TGFBR1: variants seen among roughly 807,000 people sequenced by gnomAD.
TGFBR1 encodes TGF-beta receptor type-1.
TGFBR1 carries 20 observed loss-of-function variants against 55.1 expected under a neutral mutation model. The ratio of observed to expected loss-of-function variants is 0.36; its 90% CI spans 0.26 to 0.53. The LOEUF is 0.53. Among genes scored for constraint, TGFBR1 ranks in the 20% least tolerant of loss-of-function variants. The pLI, the probability that TGFBR1 is intolerant of heterozygous loss-of-function variation, is 0.91. For missense variants in TGFBR1, 385 were observed against 617.6 expected, an observed-to-expected ratio of 0.62 and a Z score of 3.99; for synonymous variants, 220 against 214.8, an observed-to-expected ratio of 1.02 and a Z score of -0.21.
intron 1 of TGFBR1, among the ~76,000 whole-genome samples, chr9:99,126,938 A>C (rs1827060070): frequency 6.6e-6 from 1 of 152,232 alleles, no homozygotes; most frequent in Non-Finnish European, 1.5e-5. Context: ...ATAATAGACA[A>C]GTATGTGAAT....
chr9:99,133,139 A>AT (rs1173471857), intron 3 of TGFBR1, among the ~76,000 whole-genome samples: 1 of 152,246 alleles, frequency 6.6e-6, no homozygotes, highest in Non-Finnish European at 1.5e-5. Flanking sequence ...TAGCAGCTTG[A>AT]TGTTTACATT....
intron 1 of TGFBR1, among the ~76,000 whole-genome samples, chr9:99,107,594 T>C (rs982046270): frequency 6.6e-6 from 1 of 152,240 alleles, no homozygotes. Context: ...CTGCCTGTTA[T>C]CCTCCAAATC....
chr9:99,135,294 T>C (rs1827397687), intron 3 of TGFBR1, among the ~76,000 whole-genome samples: 1 of 152,150 alleles, frequency 6.6e-6, no homozygotes, highest in Non-Finnish European at 1.5e-5. Flanking sequence ...TAGCAGAAAA[T>C]GCCATCTGTT....
rs1828031922 is a variant in TGFBR1, at chr9:99,153,630, AT to A, written c.*4326del. 1 of 195,828 alleles carries A rather than the reference AT, an allele frequency of 5.1e-6. No individual in the cohort carries two copies. Among genetic ancestry groups the A allele is most frequent in the African/African-American group, 2.3e-5 (1 of 43,290 alleles). The allele number at this position is 195,828 out of a possible 1,614,324, so 12.1% of individuals were successfully genotyped here. On this transcript the variant is annotated 3_prime_UTR_variant, in exon 9 of 9. Coordinates refer to ENST00000374994, the MANE Select transcript of TGFBR1 (RefSeq NM_004612.4). ...CAGTAGAAGAATGGAAGCAGTGCAA[AT>A]AAATTACATTTTTCCCAAGTGCCAG...
rs568253855 is a variant in TGFBR1, at chr9:99,112,399, CT to C, written c.97+7101del. 5.3e-5 allele frequency among the ~76,000 whole-genome samples: 8 copies of C among 152,298 alleles called. No homozygotes were observed. In the South Asian group the frequency reaches 1.7e-3, roughly 32 times the overall value. ...TTCTCAGTGAGGCTTATCCTGCCACCTTTTAAAATATTGTCATCATCCTACA... is the reference window on the plus strand; with the variant it reads ...TTCTCAGTGAGGCTTATCCTGCCACCTTTAAAATATTGTCATCATCCTACA... On this transcript the variant is annotated intron_variant, in intron 1 of 8. Transcript: ENST00000374994.
intron 1 of TGFBR1, among the ~76,000 whole-genome samples, chr9:99,112,245 A>G (rs1237091421): frequency 6.6e-6 from 1 of 152,150 alleles, no homozygotes; most frequent in Non-Finnish European, 1.5e-5. Flanking sequence ...GACATTTGAA[A>G]CAAAGAAATC....
rs781729436 is a variant in TGFBR1 at position 99,132,523 on chromosome 9, G to A, written c.358G>A (p.Gly120Ser). ...CCCTTTTTCAGTAAAGTCATCACCT[G>A]GCCTTGGTCCTGTGGAACTGGCAGC... ...ELPTTVKSSP[G>S]LGPVELAAVI... Residue 120 changes from glycine (G) to serine (S), a missense_variant, in exon 3 of 9, where the codon GGC (glycine) becomes AGC (serine). By Grantham distance (56) the Gly-to-Ser change is moderately conservative. Around this residue, in one of 5 missense-constraint regions of TGFBR1, gnomAD observed 146 missense variants for 167.7 expected, o/e 0.87. Transcript: ENST00000374994. The A allele has an allele frequency of 6.2e-7, 1 of 1,614,076 alleles. No homozygotes were observed. The highest frequency in any genetic ancestry group is 1.1e-5 in the South Asian group (1 of 91,090).
intron 3 of TGFBR1, among the ~76,000 whole-genome samples, chr9:99,136,635 T>C (rs1045668619): frequency 2.0e-5 from 3 of 152,186 alleles, no homozygotes; most frequent in African/African-American, 7.2e-5. Flanking sequence ...ATAGTTATAC[T>C]GCTAACTACT....
At chr9:99,111,706 A>G (rs1400800281) in intron 1 of TGFBR1, among the ~76,000 whole-genome samples, 1 of 152,226 alleles carries the variant, frequency 6.6e-6, no homozygotes, top group Non-Finnish European at 1.5e-5. Context: ...GAAAGCTAAT[A>G]AAAGTGTTTA....
intron 4 of TGFBR1, among the ~76,000 whole-genome samples, chr9:99,139,858 A>G (rs1244046317): frequency 6.6e-6 from 1 of 152,126 alleles, no homozygotes; most frequent in Non-Finnish European, 1.5e-5. Context: ...TTATTTGTTG[A>G]AGAAATTGGA....
intron 4 of TGFBR1, 149 bp from the exon 5 acceptor site, chr9:99,142,386 AT>A (rs1291637392): frequency 2.7e-5 from 22 of 825,246 alleles, no homozygotes; most frequent in Non-Finnish European, 3.9e-5. Context: ...AAAACAAACA[AT>A]GTAGAAGAAA....
At chr9:99,105,952 C>T (rs1354210117) in intron 1 of TGFBR1, among the ~76,000 whole-genome samples, 3 of 152,238 alleles carry the variant, frequency 2.0e-5, no homozygotes, top group African/African-American at 7.2e-5. Flanking sequence ...CTCCTCCAGC[C>T]AGGGGGGCTT....
At chr9:99,107,337 A>T (rs1227419277) in intron 1 of TGFBR1, among the ~76,000 whole-genome samples, 2 of 152,210 alleles carry the variant, frequency 1.3e-5, no homozygotes, top group African/African-American at 2.4e-5. Flanking sequence ...TGTTCTGAGT[A>T]TGTTTTAATG....
chr9:99,147,819 A>G (rs766535090), intron 8 of TGFBR1, 35 bp downstream of exon 8: 5 of 1,612,714 alleles, frequency 3.1e-6, no homozygotes, highest in South Asian at 2.2e-5. Context: ...GCAATTTTCT[A>G]AACTGCTTCT....
intron 1 of TGFBR1, among the ~76,000 whole-genome samples, chr9:99,114,523 G>T (rs964201183): frequency 6.6e-6 from 1 of 152,162 alleles, no homozygotes; most frequent in Non-Finnish European, 1.5e-5. Context: ...TTGTTCTGAG[G>T]CTTCCCCTTT....
intron 3 of TGFBR1, among the ~76,000 whole-genome samples, chr9:99,135,852 C>CT (rs397954803): frequency 0.25 from 31,174 of 125,910 alleles, 4,352 homozygotes; most frequent in East Asian, 0.41. Context: ...AAAATTGTTA[C>CT]TTTTTTTTTT....
intron 1 of TGFBR1, 140 bp from the exon 2 acceptor site, chr9:99,128,715 G>A (rs1827116869): frequency 8.9e-7 from 1 of 1,125,692 alleles, no homozygotes; most frequent in South Asian, 1.3e-5. Flanking sequence ...ACAAATAGTT[G>A]TTTTTTGCTT....
chr9:99,145,723 G>C (rs1045640428), intron 6 of TGFBR1: 1 of 152,346 alleles, frequency 6.6e-6, no homozygotes, highest in African/African-American at 2.4e-5. Context: ...TTTGAACCTG[G>C]GCATTTCTGA....
intron 6 of TGFBR1, 125 bp downstream of exon 6, chr9:99,145,013 A>G: frequency 1.8e-6 from 2 of 1,108,664 alleles, no homozygotes; most frequent in South Asian, 2.8e-5. Flanking sequence ...CCAACAGGTA[A>G]GAAGATCTCA....
Sources: gnomAD v4.1 joint callset for allele counts (sites outside exome capture counted in the v4.1 genomes callset) on GRCh38, gnomAD v4.1.1 for gene constraint, gnomAD v4.1.1 regional missense constraint, MANE v1.5 for transcripts, NCBI Gene and HGNC (gene_info 2026-07-23, HGNC 2026-07-21) for gene names.